Variants in CDKN2A observed in about 807,000 individuals in gnomAD.
CDKN2A encodes cyclin dependent kinase inhibitor 2A, also known as cyclin-dependent kinase inhibitor 2A.
In CDKN2A, 3 loss-of-function variants were observed where a neutral mutation model predicts 11.1. The observed-to-expected ratio is 0.27, with a 90% CI of 0.12 to 0.70. CDKN2A has a LOEUF of 0.70. Ranked by LOEUF, CDKN2A falls within the 30% of genes least tolerant of loss-of-function variation. CDKN2A has a pLI of 0.77. For synonymous variants in CDKN2A, 122 were observed against 108.1 expected (o/e 1.13, Z -0.80); for missense variants, 265 against 233.6 (o/e 1.13, Z -0.88).
chr9:21,990,971 T>C (rs1015475601), intron 2 of CDKN2A, among the ~76,000 whole-genome samples: 3 of 152,336 alleles, frequency 2.0e-5, no homozygotes, highest in East Asian at 1.9e-4. Context: ...ATTAATCTCA[T>C]TGGGCAACAA....
At chr9:21,989,472 C>T (rs1310309399) in intron 2 of CDKN2A, 2 of 152,098 alleles carry the variant, frequency 1.3e-5, no homozygotes, top group Admixed American at 6.5e-5. Context: ...ATACTACGGG[C>T]CACTCTCTAT....
At chr9:21,970,138 T>C (rs567132395) in intron 2 of CDKN2A, 2 of 255,394 alleles carry the variant, frequency 7.8e-6, no homozygotes, top group African/African-American at 4.3e-5. Flanking sequence ...AGCAGACAGC[T>C]GTGGGAGTAG....
At chr9:21,978,686 C>T (rs570873271), upstream of CDKN2A, among the ~76,000 whole-genome samples, 8 of 152,248 alleles carry the variant, frequency 5.3e-5, no homozygotes, top group African/African-American at 1.9e-4. Flanking sequence ...GAAATTTAAA[C>T]CTGTCTTAAT....
chr9:21,970,822 T>G, intron 2 of CDKN2A, 80 bp downstream of exon 2: 1 of 1,560,366 alleles, frequency 6.4e-7, no homozygotes, highest in Non-Finnish European at 8.7e-7. Flanking sequence ...TCTCCCGGGC[T>G]GAACTTTCTG....
Position 21,988,219 on chromosome 9 carries a change from T to A in CDKN2A, c.-4+5663A>T, listed in dbSNP as rs1254203870. Among the ~76,000 whole-genome samples the A allele has an allele frequency of 6.6e-6, 1 of 152,228 alleles. No individual in the cohort carries two copies. The highest frequency in any genetic ancestry group is 1.5e-5 in the Non-Finnish European group (1 of 68,040). ...CCTTCACAACCATTTAAATAATTTA[T>A]GATATTTTATTTTGAAGGTGAAAGA... On this transcript the variant is annotated intron_variant, in intron 2 of 3. Transcript: ENST00000494262. The surrounding 1 kb of genome is among the most constrained non-coding windows in gnomAD (Gnocchi z 4.1).
chr9:21,969,503 G>C (rs1819586372), intron 2 of CDKN2A: 1 of 377,016 alleles, frequency 2.7e-6, no homozygotes, highest in Non-Finnish European at 4.7e-6. Context: ...AATTGTGCTT[G>C]AAGAGGGGGT....
At chr9:21,975,639 T>G (rs1396215596), upstream of CDKN2A, among the ~76,000 whole-genome samples, 1 of 152,158 alleles carries the variant, frequency 6.6e-6, no homozygotes, top group African/African-American at 2.4e-5. Context: ...CATTGCCTGG[T>G]ATAAGAGCAG....
chr9:21,975,264 C>G (rs1235186237), upstream of CDKN2A: 3 of 577,470 alleles, frequency 5.2e-6, no homozygotes, highest in South Asian at 1.5e-4. Context: ...TGCGTTCACT[C>G]TGTTAAAAAG....
At position 21,991,445 on chromosome 9, in the gene CDKN2A, T is replaced by C. The variant is rs1022253636; in HGVS notation, c.-4+2437A>G. Reference sequence around the variant, plus strand: ...CAGTGTTCTACTATGAAGTTTCAGTTTTAGTTCGGCCTAGAATGTTTTAGT... The same window carrying C: ...CAGTGTTCTACTATGAAGTTTCAGTCTTAGTTCGGCCTAGAATGTTTTAGT... On this transcript the variant is annotated intron_variant, in intron 2 of 3. Transcript: ENST00000494262. The surrounding 1 kb of genome is among the most constrained non-coding windows in gnomAD (Gnocchi z 5.2). The C allele has an allele frequency of 6.3e-6, 1 of 158,730 alleles. No homozygotes were observed. The highest frequency in any genetic ancestry group is 2.4e-5 in the African/African-American group (1 of 41,600). 9.8% of individuals were successfully genotyped at this position (158,730 alleles called of 1,614,324 possible). A position where few individuals can be genotyped will look rare whatever the true frequency, so the allele number is the denominator to read the frequency against.
chr9:21,970,847 TGCTCTGAGCTTTGGAA>T, intron 2 of CDKN2A, 39 bp downstream of exon 2: 1 of 1,592,776 alleles, frequency 6.3e-7, no homozygotes, highest in East Asian at 2.2e-5. Context: ...GGAAAATGAA[TGCTCTGAGCTTTGGAA>T]GCTCTCAGGG....
chr9:21,969,080 G>A (rs1819560519), intron 2 of CDKN2A, among the ~76,000 whole-genome samples: 1 of 152,066 alleles, frequency 6.6e-6, no homozygotes, highest in African/African-American at 2.4e-5. Flanking sequence ...TTATAAACTC[G>A]CTCTCTGAAA....
At chr9:21,994,607 C>A in intron 1 of CDKN2A, 1 of 602,742 alleles carries the variant, frequency 1.7e-6, no homozygotes, top group Non-Finnish European at 2.5e-6. Flanking sequence ...CGGAGGCGCC[C>A]GTAGGGAGGC....
At chr9:21,982,010 A>G (rs1820208511) in intron 2 of CDKN2A, among the ~76,000 whole-genome samples, 1 of 152,122 alleles carries the variant, frequency 6.6e-6, no homozygotes. Context: ...CCCTTTTACT[A>G]TTCTCTATTT....
At position 21,967,993 on chromosome 9, in the gene CDKN2A, T is replaced by G; in HGVS notation, c.*236A>C. On this transcript the variant is annotated 3_prime_UTR_variant, in exon 3 of 3. Coordinates refer to ENST00000304494, the MANE Select transcript of CDKN2A (RefSeq NM_000077.5). ...ACACAGTGAAAAGGCAGAAGCGGTG[T>G]TTTTCTTTTTTACATTTTTATAAGA... 1 of 544,512 alleles carries G rather than the reference T, an allele frequency of 1.8e-6. No individual in the cohort carries two copies. Among genetic ancestry groups the G allele is most frequent in the South Asian group, 2.6e-5 (1 of 38,896 alleles). The allele number at this position is 544,512 out of a possible 1,614,324, so 33.7% of individuals were successfully genotyped here. A position where few individuals can be genotyped will look rare whatever the true frequency, so the allele number is the denominator to read the frequency against.
intron 1 of CDKN2A, chr9:21,994,373 C>T: frequency 4.4e-6 from 7 of 1,607,834 alleles, no homozygotes; most frequent in Non-Finnish European, 5.9e-6. Context: ...GCCGCTGCGC[C>T]GCCCTTTGGC....
chr9:21,967,819 A>C lies in CDKN2A; in HGVS notation c.*410T>G, dbSNP rs1398925063. The C allele has an allele frequency of 6.4e-6, 2 of 313,846 alleles. No individual in the cohort carries two copies. Among genetic ancestry groups the C allele is most frequent in the Non-Finnish European group, 1.2e-5 (2 of 167,798 alleles). The allele number at this position is 313,846 out of a possible 1,614,324, so 19.4% of individuals were successfully genotyped here. A position where few individuals can be genotyped will look rare whatever the true frequency, so the allele number is the denominator to read the frequency against. On this transcript the variant is annotated 3_prime_UTR_variant, in exon 3 of 3. Coordinates refer to ENST00000304494, the MANE Select transcript of CDKN2A (RefSeq NM_000077.5). ...GGTTCTGCCATTTGCTAGCAGTGTG[A>C]CTCAAGAGAAGCCAGTAACCCCCCT...
chr9:21,992,838 T>TA lies in CDKN2A; in HGVS notation c.-4+1043dup, dbSNP rs146011023. Reference sequence around the variant, plus strand: ...TTTGCTGATACGGATAAACCACTGTTAAAAAAAACAACAACCAGGGTCTTG... The same window carrying TA: ...TTTGCTGATACGGATAAACCACTGTTAAAAAAAAACAACAACCAGGGTCTTG... On this transcript the variant is annotated intron_variant, in intron 2 of 3. Transcript: ENST00000494262. 3.1e-4 allele frequency among the ~76,000 whole-genome samples: 47 copies of TA among 151,776 alleles called. 1 individual carries two copies. Among genetic ancestry groups the TA allele is most frequent in the Admixed American group, 3.0e-3 (46 of 15,222 alleles).
At chr9:21,982,415 T>C (rs1820215544) in intron 2 of CDKN2A, among the ~76,000 whole-genome samples, 1 of 152,152 alleles carries the variant, frequency 6.6e-6, no homozygotes, top group Non-Finnish European at 1.5e-5. Context: ...CTCTAGGGTG[T>C]ACTCTTGTGA....
intron 2 of CDKN2A, among the ~76,000 whole-genome samples, chr9:21,985,235 T>G (rs1820274518): frequency 6.6e-6 from 1 of 152,010 alleles, no homozygotes. Flanking sequence ...ATACTGTATG[T>G]TTACTCTGTA....
Sources: allele counts gnomAD v4.1 joint callset (sites outside exome capture counted in the v4.1 genomes callset), GRCh38; gene constraint gnomAD v4.1.1; non-coding constraint Gnocchi (gnomAD v3.1); transcripts MANE v1.5; gene names NCBI Gene and HGNC (gene_info 2026-07-23, HGNC 2026-07-21).